The following LTF variants were observed in gnomAD, a reference collection of about 807,000 sequenced individuals.
LTF encodes the protein epididymis luminal protein 110.
Under a neutral mutation model 87.2 loss-of-function variants are expected in LTF, and 91 were observed. The ratio of observed to expected loss-of-function variants is 1.04; its 90% CI spans 0.88 to 1.24. The LOEUF (loss-of-function observed/expected upper bound fraction) is 1.24, where lower values mean the gene tolerates loss of function less well. LTF is among the 50% of genes most tolerant of loss of function. The pLI is 0.00. For synonymous variants in LTF, 378 were observed against 356.1 expected (o/e 1.06, Z -0.69); for missense variants, 901 against 904.3 (o/e 1.00, Z 0.05).
At position 46,448,972 on chromosome 3, in the gene LTF, G is replaced by C; in HGVS notation, c.1103C>G (p.Ala368Gly). 5.6e-6 allele frequency: 9 copies of C among 1,613,106 alleles called. No individual in the cohort carries two copies. The highest frequency in any genetic ancestry group is 7.6e-6 in the Non-Finnish European group (9 of 1,179,778). The change falls in exon 9 of 17, where the codon GCG becomes GGG. Residue 368 changes from alanine to glycine, a missense_variant. Coordinates refer to ENST00000231751, the MANE Select transcript of LTF (RefSeq NM_002343.6). ...CTTGCGCAGCTCCTGCTCGCCCACC[G>C]CACACCACACGACCCGCGCACGCCG... is the stretch of plus-strand genomic sequence containing the variant. The part of the protein sequence containing the change: ...AARRARVVWC[A>G]VGEQELRKCN...
At chr3:46,476,202 C>T (rs868670411) in intron 1 of LTF, among the ~76,000 whole-genome samples, 1 of 152,086 alleles carries the variant, frequency 6.6e-6, no homozygotes, top group African/African-American at 2.4e-5. Flanking sequence ...TGGGACTTTC[C>T]GTACAATGTT....
At position 46,439,316 on chromosome 3, in the gene LTF, G is replaced by C. The variant is rs1702458488; in HGVS notation, c.1888C>G (p.Gln630Glu). Reference sequence around the variant, plus strand: ...CATACCTGTTGGTGGAGCAACACCTGTTTCAGGCGTTCCACCTTATCCATC... The same window carrying C: ...CATACCTGTTGGTGGAGCAACACCTCTTTCAGGCGTTCCACCTTATCCATC... ...SRMDKVERLK[Q>E]VLLHQQAKFG... The change falls in exon 15 of 17, where the codon CAG becomes GAG. Residue 630 changes from glutamine to glutamate, a missense_variant. Physicochemically the swap from Gln to Glu is conservative, Grantham distance 29 (BLOSUM62 2). Transcript: ENST00000231751. 1 of 1,613,178 alleles carries C rather than the reference G, an allele frequency of 6.2e-7. No individual in the cohort carries two copies. Among genetic ancestry groups the C allele is most frequent in the Non-Finnish European group, 8.5e-7 (1 of 1,179,538 alleles).
chr3:46,437,016 G>A (rs1371547620), intron 16 of LTF, among the ~76,000 whole-genome samples: 4 of 152,136 alleles, frequency 2.6e-5, no homozygotes, highest in Non-Finnish European at 4.4e-5. Flanking sequence ...GAAAACTACC[G>A]ATAAAGACAT....
intron 9 of LTF, among the ~76,000 whole-genome samples, chr3:46,447,663 T>A (rs1702689551): frequency 6.6e-6 from 1 of 152,216 alleles, no homozygotes; most frequent in Non-Finnish European, 1.5e-5. Context: ...CAAAACCTTT[T>A]CTGTGTCCCT....
chr3:46,435,973 A>T lies in LTF; in HGVS notation c.*222T>A. 1 of 576,574 alleles carries T rather than the reference A, an allele frequency of 1.7e-6. No homozygotes were observed. Among genetic ancestry groups the T allele is most frequent in the Non-Finnish European group, 3.1e-6 (1 of 323,348 alleles). The allele number at this position is 576,574 out of a possible 1,614,324, so 35.7% of individuals were successfully genotyped here. On this transcript the variant is annotated 3_prime_UTR_variant, in exon 17 of 17. Transcript: ENST00000231751. Reference sequence around the variant, plus strand: ...ATTTTGTCAGGCATGTGATTTCAGTATAAAATTCTAGAAAAGATGAGTGAC... The same window carrying T: ...ATTTTGTCAGGCATGTGATTTCAGTTTAAAATTCTAGAAAAGATGAGTGAC...
At chr3:46,440,225 C>T (rs1248897587) in intron 14 of LTF, among the ~76,000 whole-genome samples, 1 of 151,994 alleles carries the variant, frequency 6.6e-6, no homozygotes, top group Non-Finnish European at 1.5e-5. Context: ...AGAAGAAAAC[C>T]CTCCACCTAT....
chr3:46,471,069 G>T (rs960045155), intron 1 of LTF, among the ~76,000 whole-genome samples: 5 of 152,210 alleles, frequency 3.3e-5, no homozygotes, highest in African/African-American at 1.2e-4. Flanking sequence ...GACCCAGAGA[G>T]TCGCCATCCT....
At position 46,450,590 on chromosome 3, in the gene LTF, CTT is replaced by C; in HGVS notation, c.785_786del (p.Lys262ArgfsTer50). On this transcript the variant is annotated frameshift_variant, in exon 7 of 17. Coordinates refer to ENST00000231751, the MANE Select transcript of LTF (RefSeq NM_002343.6). LOFTEE classifies it high-confidence loss of function. ...DNTRKPVDKF[K>X]DCHLARVPSH... is the part of the protein sequence containing the mutation. ...GAAGGGACCCGGGCCAGATGGCAGT[CTT>C]TGAACTTGTCCACTGGCTTCCGAGT... 1 of 1,614,204 alleles carries C rather than the reference CTT, an allele frequency of 6.2e-7. No homozygotes were observed.
At chr3:46,443,357 C>G in intron 13 of LTF, 84 bp downstream of exon 13, 2 of 1,528,194 alleles carry the variant, frequency 1.3e-6, no homozygotes, top group Non-Finnish European at 1.8e-6. Context: ...TGACAGGTCA[C>G]ATCTGGCTCC....
intron 3 of LTF, 145 bp from the exon 4 acceptor site, chr3:46,456,123 G>A: frequency 1.1e-6 from 1 of 946,102 alleles, no homozygotes; most frequent in Admixed American, 2.7e-5. Context: ...TCGTGGGTCA[G>A]CGTCAGGAGG....
intron 8 of LTF, 58 bp downstream of exon 8, chr3:46,449,796 T>C: frequency 6.3e-7 from 1 of 1,592,268 alleles, no homozygotes; most frequent in South Asian, 1.1e-5. Context: ...TAGGGCCACC[T>C]GCTGGGAAGT....
chr3:46,442,893 G>A (rs1702557566), intron 13 of LTF, among the ~76,000 whole-genome samples: 1 of 152,056 alleles, frequency 6.6e-6, no homozygotes, highest in Non-Finnish European at 1.5e-5. Context: ...TAAAACGTGG[G>A]GTGTGGTTAC....
Position 46,482,707 on chromosome 3 carries a change from A to AAGGAAGGAAG in LTF, c.-320+2278_-320+2279insCTTCCTTCCT, listed in dbSNP as rs1559614952. On this transcript the variant is annotated intron_variant, in intron 1 of 19. Coordinates refer to the LTF transcript ENST00000443496. ...AGGAAGGAAGGAAGGAAGGAAGGAA[A>AAGGAAGGAAG]GAAAGAAAGAGAAAGAAAGGAAGGA... Among the ~76,000 whole-genome samples, 93 of 103,216 alleles carry AAGGAAGGAAG rather than the reference A, an allele frequency of 9.0e-4. 4 individuals are homozygous for AAGGAAGGAAG. Among genetic ancestry groups the AAGGAAGGAAG allele is most frequent in the African/African-American group, 3.2e-3 (76 of 23,956 alleles). The allele number at this position is 103,216 out of a possible 152,430, so 67.7% of individuals were successfully genotyped here.
In LTF at chr3:46,454,563, C is replaced by A. The variant is rs1702879559; in HGVS notation, c.648-203G>T. ...AATGACTCAGGTGCTAGCCAGAGGC[C>A]CCCATCTTCTGCTTTGAGGGCTAAG... is the stretch of plus-strand genomic sequence containing the variant. On this transcript the variant is annotated intron_variant, in intron 5 of 16. Coordinates refer to ENST00000231751, the MANE Select transcript of LTF (RefSeq NM_002343.6). Among the ~76,000 whole-genome samples the A allele has an allele frequency of 2.0e-5, 3 of 152,172 alleles. No homozygotes were observed. In the South Asian group the frequency reaches 6.2e-4, roughly 31 times the overall value.
intron 1 of LTF, among the ~76,000 whole-genome samples, chr3:46,473,970 C>G (rs1041436218): frequency 2.8e-4 from 43 of 152,176 alleles, no homozygotes; most frequent in African/African-American, 9.4e-4. Context: ...AAGATATATA[C>G]TCAAAGTTAC....
rs748874733 is a variant in LTF, at chr3:46,436,182, ATCT to A, written c.*10_*12del. On this transcript the variant is annotated 3_prime_UTR_variant, in exon 17 of 17. Transcript: ENST00000231751. ...TGAGGCTTTCTTGGGGAGCTGGGCC[ATCT>A]TCTTCGGTTTTACTTCCTGAGGAAT... is the stretch of plus-strand genomic sequence containing the variant. 5 of 1,614,134 alleles carry A rather than the reference ATCT, an allele frequency of 3.1e-6. No individual in the cohort carries two copies. The South Asian group carries it at 5.5e-5, about 18-fold the overall frequency.
intron 1 of LTF, among the ~76,000 whole-genome samples, chr3:46,483,071 T>C (rs1703473223): frequency 6.6e-6 from 1 of 152,208 alleles, no homozygotes; most frequent in South Asian, 2.1e-4. Context: ...GCCACTGAAT[T>C]TGGAGTTGGG....
At chr3:46,463,925 C>T (rs905281148) in intron 1 of LTF, among the ~76,000 whole-genome samples, 3 of 152,192 alleles carry the variant, frequency 2.0e-5, no homozygotes, top group African/African-American at 7.2e-5. Context: ...CTATCCACCG[C>T]CACCTCTTCC....
Position 46,435,994 on chromosome 3 carries a change from G to A in LTF, c.*201C>T, listed in dbSNP as rs1702376338. On this transcript the variant is annotated 3_prime_UTR_variant, in exon 17 of 17. Transcript: ENST00000231751. ...CAGTATAAAATTCTAGAAAAGATGA[G>A]TGACACTTTATAAGGAGAGAATATC... is the stretch of plus-strand genomic sequence containing the variant. 1.5e-5 allele frequency: 9 copies of A among 594,498 alleles called. No individual in the cohort carries two copies. The highest frequency in any genetic ancestry group is 9.0e-5 in the Admixed American group (3 of 33,390). The allele number at this position is 594,498 out of a possible 1,614,324, so 36.8% of individuals were successfully genotyped here.
Sources: gnomAD v4.1 joint callset for allele counts (sites outside exome capture counted in the v4.1 genomes callset) on GRCh38, gnomAD v4.1.1 for gene constraint, MANE v1.5 for transcripts, NCBI Gene and HGNC (gene_info 2026-07-23, HGNC 2026-07-21) for gene names.